The following LAMA5 variants were observed in gnomAD, a reference collection of about 807,000 sequenced individuals.
LAMA5 encodes the protein laminin subunit alpha 5, also known as laminin subunit alpha-5.
In LAMA5, 260 loss-of-function variants were observed where a neutral mutation model predicts 433.4. The observed-to-expected ratio is 0.60, with a 90% CI of 0.54 to 0.66. The LOEUF (loss-of-function observed/expected upper bound fraction) is 0.66. LAMA5 is among the 30% of genes least tolerant of loss of function. The pLI is 0.00. For missense variants in LAMA5, 5,378 were observed against 5,258.5 expected (o/e 1.02, Z -0.70); for synonymous variants, 2,620 against 2,226.6 (o/e 1.18, Z -4.97).
intron 57 of LAMA5, 54 bp downstream of exon 57, chr20:62,316,617 G>A (rs991858112): frequency 1.5e-6 from 2 of 1,363,510 alleles, no homozygotes; most frequent in Non-Finnish European, 2.0e-6. Context: ...GAGGGTCCCT[G>A]GGAGCTCAGA....
chr20:62,332,603 G>C lies in LAMA5; in HGVS notation c.3397C>G (p.Arg1133Gly). 1 of 1,599,464 alleles carries C rather than the reference G, an allele frequency of 6.3e-7. No individual in the cohort carries two copies. Among genetic ancestry groups the C allele is most frequent in the Non-Finnish European group, 8.5e-7 (1 of 1,172,508 alleles). Residue 1133 changes from arginine to glycine, a missense_variant, in exon 27 of 80, where the codon CGG becomes GGG. Arg to Gly is a moderately radical substitution (Grantham distance 125, BLOSUM62 -2). Transcript: ENST00000252999. ...GAGAGCAGCCCCTGCTGGGGGGCCC[G>C]CTGTGGGGTGTGCACGGCCACGCCC... ...EVGVAVHTPQ[R>G]APQQGLLSLH...
chr20:62,346,555 G>A lies in LAMA5; in HGVS notation c.1233C>T (p.Gly411=), dbSNP rs753011494. The change falls in exon 9 of 80, where the codon GGC becomes GGT. Residue 411 remains glycine (G), a synonymous_variant. Coordinates refer to ENST00000252999, the MANE Select transcript of LAMA5 (RefSeq NM_005560.6). ...GAGGGTGGTTGGGAGAGCGGTAGAA[G>A]CCGGGCAGGCAGCGCTCACAGTTGA... ...TGVNCERCLP[G]FYRSPNHPLD... The A allele has an allele frequency of 1.2e-5, 18 of 1,563,866 alleles. No individual in the cohort carries two copies. The highest frequency in any genetic ancestry group is 1.4e-5 in the Non-Finnish European group (16 of 1,154,226).
chr20:62,325,259 G>C (rs1045155459), intron 41 of LAMA5, 57 bp downstream of exon 41: 1 of 1,134,024 alleles, frequency 8.8e-7, no homozygotes, highest in South Asian at 1.6e-5. Context: ...GAGGATGCTG[G>C]AGGGAAGGGT....
Position 62,331,097 on chromosome 20 carries a change from G to C in LAMA5, c.3585C>G (p.Phe1195Leu). Residue 1195 changes from phenylalanine (F) to leucine (L), a missense_variant, in exon 29 of 80, where the codon TTC becomes TTG. Coordinates refer to ENST00000252999, the MANE Select transcript of LAMA5 (RefSeq NM_005560.6). ...CCCGGGGCTCCACGAACTCCGGGCT[G>C]AACTCCTCAATGGGCACCAGAGTGA... Reference protein sequence around the residue: ...HGVTLVPIEEFSPEFVEPRVS... With the variant: ...HGVTLVPIEELSPEFVEPRVS... 1 of 1,603,704 alleles carries C rather than the reference G, an allele frequency of 6.2e-7. No homozygotes were observed. Among genetic ancestry groups the C allele is most frequent in the Non-Finnish European group, 8.5e-7 (1 of 1,175,530 alleles).
At chr20:62,348,480 G>A (rs949413821) in intron 6 of LAMA5, among the ~76,000 whole-genome samples, 3 of 152,108 alleles carry the variant, frequency 2.0e-5, no homozygotes, top group African/African-American at 7.2e-5. Flanking sequence ...GGTGGCAGGT[G>A]CCTGTAGTCC....
chr20:62,347,829 G>A (rs1568968177), intron 6 of LAMA5, among the ~76,000 whole-genome samples: 1 of 152,192 alleles, frequency 6.6e-6, no homozygotes, highest in South Asian at 2.1e-4. Context: ...TAGACCCAGA[G>A]CCTCAAATGG....
In LAMA5 at chr20:62,336,742, G is replaced by A. The variant is rs751287345; in HGVS notation, c.2209C>T (p.Leu737Phe). 6.2e-6 allele frequency: 10 copies of A among 1,612,996 alleles called. No homozygotes were observed. Among genetic ancestry groups the A allele is most frequent in the Admixed American group, 1.7e-5 (1 of 60,004 alleles). ...AGCAGACTTGGGCTCACCTCAGGAA[G>A]GGCAGGATCCACTGGGGCCAGACCG... ...PAGLAPVDPA[L>F]PEAQVPCMCR... The change falls in exon 17 of 80, where the codon CTT becomes TTT. Residue 737 changes from leucine (L) to phenylalanine (F), a missense_variant. Physicochemically the swap from Leu to Phe is conservative, Grantham distance 22 (BLOSUM62 0). Transcript: ENST00000252999.
Position 62,328,857 on chromosome 20 carries a change from G to A in LAMA5, c.4434C>T (p.Phe1478=), listed in dbSNP as rs754395207. The A allele has an allele frequency of 6.2e-7, 1 of 1,610,956 alleles. No individual in the cohort carries two copies. The highest frequency in any genetic ancestry group is 8.5e-7 in the Non-Finnish European group (1 of 1,179,350). The change falls in exon 34 of 80, where the codon TTC becomes TTT. Residue 1478 remains phenylalanine, a synonymous_variant. Coordinates refer to ENST00000252999, the MANE Select transcript of LAMA5 (RefSeq NM_005560.6). The part of the protein sequence containing the change: ...CSRCATGYWG[F]PNCRPCDCGA... The stretch of plus-strand genomic sequence containing the variant: ...TGGGGTACTCACGCCTGCAGTTGGG[G>A]AAGCCCCAGTATCCGGTGGCACAGC...
chr20:62,361,860 C>T (rs1219356139), intron 2 of LAMA5, among the ~76,000 whole-genome samples: 5 of 152,230 alleles, frequency 3.3e-5, no homozygotes, highest in African/African-American at 1.2e-4. Context: ...CAGCTGCAGC[C>T]TCCTGCTTGT....
intron 1 of LAMA5, among the ~76,000 whole-genome samples, chr20:62,364,134 C>G (rs1484123234): frequency 6.6e-6 from 1 of 152,216 alleles, no homozygotes; most frequent in Non-Finnish European, 1.5e-5. Context: ...GCTAGAGCAA[C>G]TGAAGACACC....
intron 11 of LAMA5, among the ~76,000 whole-genome samples, chr20:62,343,095 G>A (rs564023550): frequency 6.6e-6 from 1 of 152,144 alleles, no homozygotes; most frequent in Admixed American, 6.5e-5. Flanking sequence ...TTGGAACGCC[G>A]CCAACCCCAC....
Position 62,348,911 on chromosome 20 carries a change from G to A in LAMA5, c.957-1883C>T, listed in dbSNP as rs575546448. Among the ~76,000 whole-genome samples the A allele has an allele frequency of 3.3e-5, 5 of 152,244 alleles. No individual in the cohort carries two copies. In the East Asian group the frequency reaches 9.7e-4, roughly 29 times the overall value. On this transcript the variant is annotated intron_variant, in intron 6 of 79. Coordinates refer to ENST00000252999, the MANE Select transcript of LAMA5 (RefSeq NM_005560.6). The stretch of plus-strand genomic sequence containing the variant: ...GCTCCTGTATCTAATGGGGACTCCA[G>A]GGGAAAAGAGGTAGGAAAGGGAGCC...
intron 11 of LAMA5, among the ~76,000 whole-genome samples, chr20:62,345,054 G>A (rs1289416251): frequency 1.3e-5 from 2 of 152,202 alleles, no homozygotes; most frequent in Non-Finnish European, 2.9e-5. Context: ...GTTTCGCTCT[G>A]TTGCCCAGGC....
chr20:62,359,845 C>A lies in LAMA5; in HGVS notation c.450+2555G>T, dbSNP rs1985765627. The stretch of plus-strand genomic sequence containing the variant: ...CGCCAGCCCCTGCCCCACCGCACAC[C>A]AGGGGTATGAGATCCGAACCGTGAT... On this transcript the variant is annotated intron_variant, in intron 2 of 79. Coordinates refer to ENST00000252999, the MANE Select transcript of LAMA5 (RefSeq NM_005560.6). The surrounding 1 kb of genome is among the most constrained non-coding windows in gnomAD (Gnocchi z 4.3). Among the ~76,000 whole-genome samples, 2 of 152,082 alleles carry A rather than the reference C, an allele frequency of 1.3e-5. No individual in the cohort carries two copies. Among genetic ancestry groups the A allele is most frequent in the Admixed American group, 6.5e-5 (1 of 15,282 alleles).
At chr20:62,343,747 G>A (rs1372368381) in intron 11 of LAMA5, among the ~76,000 whole-genome samples, 1 of 115,358 alleles carries the variant, frequency 8.7e-6, no homozygotes, top group African/African-American at 3.0e-5. Context: ...TTGCACTCCA[G>A]CCTGGGCAAC....
chr20:62,317,539 G>T (rs997330965), intron 54 of LAMA5, 40 bp from the exon 55 acceptor site: 2 of 1,527,224 alleles, frequency 1.3e-6, no homozygotes, highest in Non-Finnish European at 1.8e-6. Flanking sequence ...CCTGCTCACA[G>T]CCACCTGATC....
rs569986968 is a variant in LAMA5, at chr20:62,310,820, G to T, written c.10291C>A (p.Arg3431Ser). ...AGCAGGATCCGGTTCTTCTCCCAGC[G>T]CACGGAGACCTGGGGGCAGGAGATG... Reference protein sequence around the residue: ...RPGRWHKVSVRWEKNRILLVT... With the variant: ...RPGRWHKVSVSWEKNRILLVT... The change falls in exon 75 of 80, where the codon CGC becomes AGC. Residue 3431 changes from arginine (R) to serine (S), a missense_variant. By Grantham distance (110) the Arg-to-Ser change is moderately radical. Coordinates refer to ENST00000252999, the MANE Select transcript of LAMA5 (RefSeq NM_005560.6). The T allele has an allele frequency of 6.4e-7, 1 of 1,558,582 alleles. No homozygotes were observed.
At chr20:62,338,658 G>A in intron 11 of LAMA5, 50 bp from the exon 12 acceptor site, 1 of 1,547,948 alleles carries the variant, frequency 6.5e-7, no homozygotes, top group Non-Finnish European at 8.7e-7. Context: ...GCAGACCCCA[G>A]TACGCCCCTC....
rs762681604 is a variant in LAMA5 at position 62,346,949 on chromosome 20, T to C, written c.1036A>G (p.Lys346Glu). The C allele has an allele frequency of 6.2e-7, 1 of 1,612,774 alleles. No homozygotes were observed. Among genetic ancestry groups the C allele is most frequent in the Non-Finnish European group, 8.5e-7 (1 of 1,179,918 alleles). Residue 346 changes from lysine to glutamate, a missense_variant, in exon 7 of 80, where the codon AAG (lysine) becomes GAG (glutamate). Physicochemically the swap from Lys to Glu is moderately conservative, Grantham distance 56. Transcript: ENST00000252999. ...CCPGFNQQPW[K>E]PATANSANEC... Reference sequence around the variant, plus strand: ...TTGGCACTGTTGGCAGTCGCAGGCTTCCACGGCTGCTGATTGAAGCCGGGG... The same window carrying C: ...TTGGCACTGTTGGCAGTCGCAGGCTCCCACGGCTGCTGATTGAAGCCGGGG...
Sources: gnomAD v4.1 joint callset for allele counts (sites outside exome capture counted in the v4.1 genomes callset) on GRCh38, gnomAD v4.1.1 for gene constraint, Gnocchi (gnomAD v3.1) non-coding constraint, MANE v1.5 for transcripts, NCBI Gene and HGNC (gene_info 2026-07-23, HGNC 2026-07-21) for gene names.